CEP290: variants seen among roughly 807,000 people sequenced by gnomAD.
The protein encoded by CEP290 is centrosomal protein 290.
CEP290 carries 317 observed loss-of-function variants against 344.9 expected under a neutral mutation model. That is an observed-to-expected ratio of 0.92 (90% CI 0.84 to 1.01). The LOEUF (loss-of-function observed/expected upper bound fraction) is 1.01. Ranked by LOEUF, CEP290 falls within the 50% of genes least tolerant of loss-of-function variation. The pLI is 0.00. For missense variants in CEP290, 2,754 were observed against 2,761.4 expected (o/e 1.00, Z 0.06); for synonymous variants, 932 against 895.8 (o/e 1.04, Z -0.72).
At chr12:88,085,753 CAT>C (rs2036528924) in intron 34 of CEP290, among the ~76,000 whole-genome samples, 1 of 152,010 alleles carries the variant, frequency 6.6e-6, no homozygotes, top group Non-Finnish European at 1.5e-5. Context: ...ATAAAGAGAT[CAT>C]ATAAGAGAAT....
chr12:88,115,539 T>C, intron 18 of CEP290: 1 of 1,292,760 alleles, frequency 7.7e-7, no homozygotes, highest in South Asian at 1.2e-5. Context: ...CTCTGCTTCT[T>C]TGATCAAGAA....
rs1050330421 is a variant in CEP290 at position 88,086,149 on chromosome 12, G to A, written c.4327C>T (p.Pro1443Ser). 6.2e-7 allele frequency: 1 copy of A among 1,612,418 alleles called. No individual in the cohort carries two copies. Among genetic ancestry groups the A allele is most frequent in the Non-Finnish European group, 8.5e-7 (1 of 1,179,546 alleles). ...TTTGGAAGGGGCAAACTAGGGTCAGGGATTGATCCTGTAGCTTCTTCAAAC... is the reference window on the plus strand; with the variant it reads ...TTTGGAAGGGGCAAACTAGGGTCAGAGATTGATCCTGTAGCTTCTTCAAAC... ...QKFEEATGSIPDPSLPLPNQL... is the reference protein window; with the variant it reads ...QKFEEATGSISDPSLPLPNQL... Residue 1443 changes from proline to serine, a missense_variant, in exon 34 of 54, where the codon CCT becomes TCT. Coordinates refer to ENST00000552810, the MANE Select transcript of CEP290 (RefSeq NM_025114.4).
chr12:88,114,607 C>A (rs2038927425), intron 19 of CEP290, 45 bp from the exon 20 acceptor site: 1 of 1,438,604 alleles, frequency 7.0e-7, no homozygotes, highest in African/African-American at 1.4e-5. Flanking sequence ...ATCTTTTTCA[C>A]AATTTACACT....
At position 88,128,981 on chromosome 12, in the gene CEP290, T is replaced by A; in HGVS notation, c.907A>T (p.Met303Leu). The A allele has an allele frequency of 6.5e-7, 1 of 1,542,358 alleles. No homozygotes were observed. The highest frequency in any genetic ancestry group is 8.7e-7 in the Non-Finnish European group (1 of 1,153,996). The change falls in exon 11 of 54, where the codon ATG becomes TTG. Residue 303 changes from methionine to leucine, a missense_variant. By Grantham distance (15) the Met-to-Leu change is conservative. Coordinates refer to ENST00000552810, the MANE Select transcript of CEP290 (RefSeq NM_025114.4). ...TCTACTTTTGCATTGACAGCTACCATAATTGGATCATCTTCTTCATTTTTT... is the reference window on the plus strand; with the variant it reads ...TCTACTTTTGCATTGACAGCTACCAAAATTGGATCATCTTCTTCATTTTTT... ...KSKNEEDDPI[M>L]VAVNAKVEEW...
In CEP290 at chr12:88,060,912, T is replaced by C; in HGVS notation, c.6440A>G (p.Glu2147Gly). 1 of 1,556,530 alleles carries C rather than the reference T, an allele frequency of 6.4e-7. No homozygotes were observed. The highest frequency in any genetic ancestry group is 8.7e-7 in the Non-Finnish European group (1 of 1,149,514). The change falls in exon 47 of 54, where the codon GAA becomes GGA. Residue 2147 changes from glutamate (E) to glycine (G), a missense_variant. Glu to Gly is a moderately conservative substitution (Grantham distance 98). Coordinates refer to ENST00000552810, the MANE Select transcript of CEP290 (RefSeq NM_025114.4). ...MKKVVEKVQR[E>G]NEQLKKASGI... ...TGATGCTTTTTTCAACTGTTCATTT[T>C]CTCTCTGGACTTTTTCAACTACTTT...
chr12:88,089,598 A>G, intron 30 of CEP290, 111 bp from the exon 31 acceptor site: 1 of 670,976 alleles, frequency 1.5e-6, no homozygotes, highest in Non-Finnish European at 2.2e-6. Context: ...ACAGTGGCAC[A>G]TGAGATCTAC....
At chr12:88,117,384 T>C (rs921022491) in intron 17 of CEP290, among the ~76,000 whole-genome samples, 1 of 152,228 alleles carries the variant, frequency 6.6e-6, no homozygotes, top group Non-Finnish European at 1.5e-5. Flanking sequence ...TCTTTGCCTA[T>C]TCTATATTAA....
At chr12:88,135,481 A>T (rs1321556009) in intron 6 of CEP290, among the ~76,000 whole-genome samples, 2 of 152,150 alleles carry the variant, frequency 1.3e-5, no homozygotes, top group African/African-American at 2.4e-5. Flanking sequence ...GATGACTATT[A>T]AAAAATCCAC....
chr12:88,125,265 A>G lies in CEP290; in HGVS notation c.1170T>C (p.Asn390=). 1.1e-6 allele frequency: 1 copy of G among 916,556 alleles called. No homozygotes were observed. The highest frequency in any genetic ancestry group is 1.5e-6 in the Non-Finnish European group (1 of 652,782). The allele number at this position is 916,556 out of a possible 1,614,324, so 56.8% of individuals were successfully genotyped here. The change falls in exon 13 of 54, where the codon AAT becomes AAC. Residue 390 remains asparagine (N), a synonymous_variant. Coordinates refer to ENST00000552810, the MANE Select transcript of CEP290 (RefSeq NM_025114.4). ...KNTCIIEDLK[N]ELQRNKGAST... is the part of the protein sequence containing the mutation. The stretch of plus-strand genomic sequence containing the variant: ...AAATACCTTTGTTTCTTTGGAGCTC[A>G]TTTTTCAAATCTTCAATAATACAAG...
intron 18 of CEP290, chr12:88,115,559 T>C: frequency 7.8e-7 from 1 of 1,290,194 alleles, no homozygotes; most frequent in Non-Finnish European, 1.0e-6. Flanking sequence ...ATTCCTGTGC[T>C]ATGATTTCAT....
At chr12:88,057,297 G>A (rs2034086062) in intron 49 of CEP290, among the ~76,000 whole-genome samples, 1 of 152,134 alleles carries the variant, frequency 6.6e-6, no homozygotes, top group Non-Finnish European at 1.5e-5. Context: ...AGGAAATCTA[G>A]GCAAGGTGGG....
At chr12:88,065,845 C>T (rs1255044130) in intron 44 of CEP290, among the ~76,000 whole-genome samples, 2 of 152,050 alleles carry the variant, frequency 1.3e-5, no homozygotes, top group Non-Finnish European at 2.9e-5. Flanking sequence ...TAAAGGTATT[C>T]GTTGAGATAG....
At chr12:88,069,580 T>A (rs2035208849) in intron 43 of CEP290, among the ~76,000 whole-genome samples, 1 of 152,206 alleles carries the variant, frequency 6.6e-6, no homozygotes, top group Non-Finnish European at 1.5e-5. Flanking sequence ...GAAAAATTCC[T>A]CAATAATTTG....
intron 44 of CEP290, 45 bp downstream of exon 44, chr12:88,068,474 CATT>C (rs1398495165): frequency 7.3e-6 from 9 of 1,227,986 alleles, no homozygotes; most frequent in Non-Finnish European, 8.7e-6. Context: ...CACTTTCATG[CATT>C]TTAACATGGA....
At chr12:88,104,488 T>C (rs1185044570) in intron 25 of CEP290, among the ~76,000 whole-genome samples, 3 of 152,004 alleles carry the variant, frequency 2.0e-5, no homozygotes, top group Non-Finnish European at 2.9e-5. Context: ...AGCAGAATAA[T>C]ATGAAAGGCG....
At chr12:88,096,842 T>C (rs992606869) in intron 27 of CEP290, 46 bp downstream of exon 27, 1 of 913,976 alleles carries the variant, frequency 1.1e-6, no homozygotes, top group South Asian at 1.7e-5. Context: ...GAAATATTCA[T>C]TATTAGATGT....
intron 49 of CEP290, among the ~76,000 whole-genome samples, chr12:88,056,648 A>G (rs1055516295): frequency 2.6e-5 from 4 of 152,168 alleles, no homozygotes; most frequent in African/African-American, 7.2e-5. Context: ...GCCTCCTCTG[A>G]TCACCCTATC....
chr12:88,081,545 T>C (rs1289471061), intron 37 of CEP290, among the ~76,000 whole-genome samples: 1 of 152,210 alleles, frequency 6.6e-6, no homozygotes, highest in Non-Finnish European at 1.5e-5. Context: ...CATGAACAAA[T>C]GTTACTCTTT....
At chr12:88,098,770 C>A (rs76731478) in intron 26 of CEP290, among the ~76,000 whole-genome samples, 1,541 of 151,972 alleles carry the variant, frequency 0.01, 24 homozygotes, top group African/African-American at 0.036. Context: ...TATTAGTAAA[C>A]CCAGATGCTC....
Sources: gnomAD v4.1 joint callset for allele counts (sites outside exome capture counted in the v4.1 genomes callset) on GRCh38, gnomAD v4.1.1 for gene constraint, MANE v1.5 for transcripts, NCBI Gene and HGNC (gene_info 2026-07-23, HGNC 2026-07-21) for gene names.